The following CLCN5 variants were observed in gnomAD, a reference collection of about 807,000 sequenced individuals.
The protein encoded by CLCN5 is H(+)/Cl(-) exchange transporter 5.
In CLCN5, 17 loss-of-function variants were observed where a neutral mutation model predicts 54.0. The ratio of observed to expected loss-of-function variants is 0.31; its 90% CI spans 0.22 to 0.47. The LOEUF is 0.47. Among genes scored for constraint, CLCN5 ranks in the 20% least tolerant of loss-of-function variants. The pLI is 1.00. For missense variants in CLCN5, 448 were observed against 646.7 expected (o/e 0.69, Z 3.33); for synonymous variants, 222 against 233.0 (o/e 0.95, Z 0.43).
chrX:50,070,124 C>T, intron 5 of CLCN5, 94 bp downstream of exon 5: 1 of 812,103 alleles, frequency 1.2e-6, no homozygotes, highest in Non-Finnish European at 1.8e-6. Flanking sequence ...TTCTTCAGCC[C>T]TGGATGTGAC....
chrX:49,929,006 G>C (rs1039799897), intron 3 of CLCN5, among the ~76,000 whole-genome samples: 4 of 112,065 alleles, frequency 3.6e-5, no homozygotes, highest in Non-Finnish European at 5.6e-5. Flanking sequence ...GTTGATCCTA[G>C]AGCTAGTATT....
At chrX:49,978,920 A>G (rs1352164179) in intron 3 of CLCN5, among the ~76,000 whole-genome samples, 1 of 111,197 alleles carries the variant, frequency 9.0e-6, no homozygotes, top group East Asian at 2.8e-4. Context: ...TAGCATGATT[A>G]AAGGGGTGTT....
rs782217593 is a variant in CLCN5, at chrX:50,080,672, G to C, written c.682G>C (p.Val228Leu). ...LLFAFLAVSL[V>L]KVFAPYACGS... ...ATTTGCCTTCCTTGCCGTATCTCTT[G>C]TCAAGGTGTTTGCGCCTTATGCCTG... is the stretch of plus-strand genomic sequence containing the variant. The change falls in exon 8 of 15, where the codon GTC becomes CTC. Residue 228 changes from valine to leucine, a missense_variant. Coordinates refer to ENST00000376091, the MANE Select transcript of CLCN5 (RefSeq NM_001127898.4). 51 of 1,204,472 alleles carry C rather than the reference G, an allele frequency of 4.2e-5. No homozygotes were observed. Among genetic ancestry groups the C allele is most frequent in the Non-Finnish European group, 5.5e-5 (49 of 890,874 alleles).
intron 3 of CLCN5, among the ~76,000 whole-genome samples, chrX:49,953,372 C>G (rs927430333): frequency 3.6e-5 from 4 of 111,856 alleles, no homozygotes; most frequent in African/African-American, 1.3e-4. Context: ...GTGGTGCGAT[C>G]ACAGCTCATT....
At chrX:50,025,648 TCTTA>T (rs199848222) in intron 3 of CLCN5, among the ~76,000 whole-genome samples, 1,720 of 111,676 alleles carry the variant, frequency 0.015, 28 homozygotes, top group African/African-American at 0.053. Context: ...CCAGTTTCTC[TCTTA>T]CTTACTCTTT....
chrX:50,003,445 G>T (rs1010292225), intron 3 of CLCN5: 3 of 373,775 alleles, frequency 8.0e-6, no homozygotes, highest in Non-Finnish European at 1.6e-5. Context: ...CCCCAGGCCA[G>T]TGCCTCTTGC....
chrX:50,044,589 G>A (rs1168615089), intron 4 of CLCN5, among the ~76,000 whole-genome samples: 1 of 111,326 alleles, frequency 9.0e-6, no homozygotes, highest in Non-Finnish European at 1.9e-5. Flanking sequence ...ATTATCATTG[G>A]TTCTTATAGG....
At chrX:49,938,170 T>A (rs1415672732) in intron 3 of CLCN5, among the ~76,000 whole-genome samples, 2 of 111,452 alleles carry the variant, frequency 1.8e-5, no homozygotes, top group Non-Finnish European at 3.8e-5. Context: ...ACAAGACAGG[T>A]TTTACTTTAA....
intron 4 of CLCN5, among the ~76,000 whole-genome samples, chrX:50,060,769 T>A (rs1932844559): frequency 9.2e-6 from 1 of 109,033 alleles, no homozygotes; most frequent in Non-Finnish European, 1.9e-5. Flanking sequence ...CTGACAGCCT[T>A]GAAGAGAGCA....
intron 3 of CLCN5, among the ~76,000 whole-genome samples, chrX:50,019,568 C>T (rs1930987294): frequency 1.8e-5 from 1 of 55,430 alleles, no homozygotes; most frequent in Non-Finnish European, 3.2e-5. Context: ...TGCTGGTGCG[C>T]TGCACCCACT....
At chrX:50,073,010 G>A (rs12010418) in intron 6 of CLCN5, among the ~76,000 whole-genome samples, 6,568 of 110,090 alleles carry the variant, frequency 0.06, 536 homozygotes, top group African/African-American at 0.21. Context: ...ATGCAGAAAA[G>A]CATGTAAGAT....
intron 1 of CLCN5, 137 bp from the exon 2 acceptor site, chrX:49,923,270 C>G (rs1557167481): frequency 8.8e-6 from 1 of 113,276 alleles, no homozygotes. Context: ...GTAGTTGCTG[C>G]GCTGTTTTCC....
rs554430092 is a variant in CLCN5, at chrX:49,936,533, G to A, written c.16+11219G>A. ...GGCTAATCATATCAGGATGTGGTTG[G>A]TACCAATTATGGCACTTGGTTTTCT... On this transcript the variant is annotated intron_variant, in intron 3 of 14. Transcript: ENST00000376091. Among the ~76,000 whole-genome samples, 13 of 112,091 alleles carry A rather than the reference G, an allele frequency of 1.2e-4. No homozygotes were observed. The South Asian group carries it at 4.5e-3, about 38-fold the overall frequency.
intron 3 of CLCN5, among the ~76,000 whole-genome samples, chrX:49,927,584 A>G (rs911437569): frequency 1.8e-5 from 2 of 112,184 alleles, no homozygotes; most frequent in African/African-American, 6.5e-5. Flanking sequence ...TTGGGCAAGT[A>G]ACTTAATCTC....
intron 3 of CLCN5, among the ~76,000 whole-genome samples, chrX:50,013,859 TTCAG>T (rs1930650038): frequency 8.9e-6 from 1 of 112,597 alleles, no homozygotes; most frequent in African/African-American, 3.2e-5. Context: ...TGTTCATTCT[TTCAG>T]TCAGTCATTT....
At chrX:49,985,572 G>A (rs782043837) in intron 3 of CLCN5, among the ~76,000 whole-genome samples, 13 of 111,393 alleles carry the variant, frequency 1.2e-4, no homozygotes, top group Admixed American at 2.9e-4. Context: ...TGTCTCTGTC[G>A]TATTGAATTG....
intron 3 of CLCN5, among the ~76,000 whole-genome samples, chrX:49,999,852 T>C (rs1929713311): frequency 8.9e-6 from 1 of 111,879 alleles, no homozygotes; most frequent in East Asian, 2.8e-4. Flanking sequence ...TAAAAGCCCC[T>C]TTTTTTACTT....
chrX:49,976,617 T>C (rs1928496953), intron 3 of CLCN5, among the ~76,000 whole-genome samples: 1 of 112,368 alleles, frequency 8.9e-6, no homozygotes, highest in Admixed American at 9.4e-5. Context: ...AAAATTTCTA[T>C]TTAATGTCAG....
chrX:49,958,401 A>AG (rs1557174140), intron 3 of CLCN5, among the ~76,000 whole-genome samples: 9 of 111,673 alleles, frequency 8.1e-5, no homozygotes. Flanking sequence ...CATATTCTAT[A>AG]GGGAAAAAAT....
Sources: gnomAD v4.1 joint callset for allele counts (sites outside exome capture counted in the v4.1 genomes callset) on GRCh38, gnomAD v4.1.1 for gene constraint, MANE v1.5 for transcripts, NCBI Gene and HGNC (gene_info 2026-07-23, HGNC 2026-07-21) for gene names.